The following PSD3 variants were observed in gnomAD, a reference collection of about 807,000 sequenced individuals.
The protein encoded by PSD3 is PH and SEC7 domain-containing protein 3.
PSD3 carries 49 observed loss-of-function variants against 105.5 expected under a neutral mutation model. The observed-to-expected ratio is 0.46, with a 90% CI of 0.37 to 0.59. PSD3 has a LOEUF of 0.59. Ranked by LOEUF, PSD3 falls within the 20% of genes least tolerant of loss-of-function variation. The pLI is 0.00. For synonymous variants in PSD3, 557 were observed against 457.8 expected (o/e 1.22, Z -2.77); for missense variants, 1,561 against 1,263.8 (o/e 1.24, Z -3.57).
At chr8:18,749,338 C>T (rs979811786) in intron 9 of PSD3, among the ~76,000 whole-genome samples, 2 of 152,176 alleles carry the variant, frequency 1.3e-5, no homozygotes, top group African/African-American at 4.8e-5. Flanking sequence ...TTTCAATAGA[C>T]GACAAGGTGC....
chr8:18,552,298 T>C (rs1405546796), intron 15 of PSD3, among the ~76,000 whole-genome samples: 3 of 152,240 alleles, frequency 2.0e-5, no homozygotes, highest in Non-Finnish European at 4.4e-5. Context: ...TTAAGGAGTA[T>C]GTTAACATCT....
At chr8:18,710,461 C>A (rs893222347) in intron 9 of PSD3, among the ~76,000 whole-genome samples, 8 of 152,162 alleles carry the variant, frequency 5.3e-5, no homozygotes, top group Admixed American at 3.9e-4. Context: ...CCTAGCAAGA[C>A]AGGCAAATAT....
intron 1 of PSD3, among the ~76,000 whole-genome samples, chr8:19,002,645 T>C (rs1826464920): frequency 6.6e-6 from 1 of 152,126 alleles, no homozygotes; most frequent in Non-Finnish European, 1.5e-5. Flanking sequence ...ATACTTTAAG[T>C]CATCTCTAGG....
intron 4 of PSD3, among the ~76,000 whole-genome samples, chr8:18,823,114 AC>A (rs767626800): frequency 2.1e-5 from 3 of 141,304 alleles, no homozygotes; most frequent in East Asian, 4.3e-4. Flanking sequence ...AAAAAAAAAA[AC>A]CTTATCACTT....
chr8:19,045,132 C>A (rs1828271996), intron 1 of PSD3, among the ~76,000 whole-genome samples: 1 of 151,980 alleles, frequency 6.6e-6, no homozygotes, highest in Admixed American at 6.6e-5. Context: ...TTGCAGTGAA[C>A]CAAAATCATG....
At chr8:18,824,945 T>A (rs1813053874) in intron 4 of PSD3, among the ~76,000 whole-genome samples, 2 of 152,142 alleles carry the variant, frequency 1.3e-5, no homozygotes, top group South Asian at 4.1e-4. Flanking sequence ...CAGTATTCTA[T>A]AAAACCCTAG....
rs150102311 is a variant in PSD3 at position 18,816,250 on chromosome 8, T to C, written c.1635-11352A>G. 3.6e-3 allele frequency among the ~76,000 whole-genome samples: 550 copies of C among 152,364 alleles called. 2 individuals are homozygous for C. Among genetic ancestry groups the C allele is most frequent in the African/African-American group, 0.012 (501 of 41,584 alleles). On this transcript the variant is annotated intron_variant, in intron 4 of 15. Coordinates refer to ENST00000327040, the MANE Select transcript of PSD3 (RefSeq NM_015310.4). Reference sequence around the variant, plus strand: ...ATACACTATTTTAAGCACTTTATACTAACTCACTTAATGCCCTTGACCTTA... The same window carrying C: ...ATACACTATTTTAAGCACTTTATACCAACTCACTTAATGCCCTTGACCTTA...
intron 9 of PSD3, among the ~76,000 whole-genome samples, chr8:18,717,078 C>G (rs1164901117): frequency 6.6e-6 from 1 of 152,112 alleles, no homozygotes; most frequent in African/African-American, 2.4e-5. Flanking sequence ...GAAACAAAAA[C>G]GAAATTAGCT....
intron 11 of PSD3, among the ~76,000 whole-genome samples, chr8:18,621,597 A>C (rs553317771): frequency 7.2e-5 from 11 of 152,316 alleles, no homozygotes; most frequent in South Asian, 6.2e-4. Flanking sequence ...CCAATATTCC[A>C]TTAAAACTAG....
At chr8:18,750,965 G>A (rs1805434480) in intron 9 of PSD3, among the ~76,000 whole-genome samples, 1 of 152,132 alleles carries the variant, frequency 6.6e-6, no homozygotes, top group South Asian at 2.1e-4. Flanking sequence ...AGACTCAGGA[G>A]ACCAGCTGGC....
In PSD3 at chr8:18,804,517, C is replaced by A; in HGVS notation, c.1910+5G>T. On this transcript the variant is annotated splice_donor_5th_base_variant and intron_variant, in intron 6 of 15. Coordinates refer to ENST00000327040, the MANE Select transcript of PSD3 (RefSeq NM_015310.4). ...ATGACGAGCAGCAAGGAGGCTTAGT[C>A]ATACCTGAGTGACTGATCCAGCGTC... is the stretch of plus-strand genomic sequence containing the variant. The A allele has an allele frequency of 6.3e-7, 1 of 1,598,730 alleles. No individual in the cohort carries two copies. Among genetic ancestry groups the A allele is most frequent in the Non-Finnish European group, 8.6e-7 (1 of 1,166,528 alleles).
chr8:18,890,602 G>A (rs550787749), intron 2 of PSD3, among the ~76,000 whole-genome samples: 17 of 152,234 alleles, frequency 1.1e-4, no homozygotes, highest in African/African-American at 2.6e-4. Context: ...CGGTAAGCTC[G>A]TTGGGAAACA....
At chr8:19,005,938 A>T (rs56703064) in intron 1 of PSD3, among the ~76,000 whole-genome samples, 1 of 151,922 alleles carries the variant, frequency 6.6e-6, no homozygotes, top group Non-Finnish European at 1.5e-5. Context: ...GTTTAAAAAA[A>T]GGATCCCATT....
At chr8:18,929,251 C>A (rs1351517385) in intron 2 of PSD3, among the ~76,000 whole-genome samples, 2 of 110,916 alleles carry the variant, frequency 1.8e-5, no homozygotes, top group African/African-American at 7.1e-5. Flanking sequence ...CACAACAGTG[C>A]TAAAAAAAAA....
intron 1 of PSD3, among the ~76,000 whole-genome samples, chr8:19,075,062 C>T (rs551275181): frequency 2.6e-5 from 4 of 152,084 alleles, no homozygotes; most frequent in African/African-American, 7.2e-5. Flanking sequence ...TTTCCTGCCT[C>T]GGCCTCCCAA....
At chr8:18,985,474 G>A (rs1179128637) in intron 1 of PSD3, among the ~76,000 whole-genome samples, 2 of 152,140 alleles carry the variant, frequency 1.3e-5, no homozygotes, top group African/African-American at 4.8e-5. Context: ...GAATTCCCTA[G>A]TTAAGAGATG....
At chr8:18,575,384 C>A in intron 12 of PSD3, 99 bp from the exon 13 acceptor site, 3 of 1,143,858 alleles carry the variant, frequency 2.6e-6, no homozygotes, top group Non-Finnish European at 3.5e-6. Context: ...TTAGGAAATC[C>A]AAGTAAGTGA....
chr8:18,846,562 G>T lies in PSD3; in HGVS notation c.1634+21112C>A, dbSNP rs1041956540. Among the ~76,000 whole-genome samples the T allele has an allele frequency of 2.0e-5, 3 of 152,162 alleles. 1 individual carries two copies. The highest frequency in any genetic ancestry group is 1.3e-4 in the Admixed American group (2 of 15,282). ...GGAGGTTGTATTCCTGGCAGAGAGGGTCACGGACTGCTGACAAATGATCAA... is the reference window on the plus strand; with the variant it reads ...GGAGGTTGTATTCCTGGCAGAGAGGTTCACGGACTGCTGACAAATGATCAA... On this transcript the variant is annotated intron_variant, in intron 4 of 15. Coordinates refer to ENST00000327040, the MANE Select transcript of PSD3 (RefSeq NM_015310.4).
intron 9 of PSD3, among the ~76,000 whole-genome samples, chr8:18,695,956 C>G (rs1801231894): frequency 6.6e-6 from 1 of 152,226 alleles, no homozygotes; most frequent in South Asian, 2.1e-4. Flanking sequence ...GGGGGGAATG[C>G]ACATTCCTGG....
Sources: gnomAD v4.1 joint callset for allele counts (sites outside exome capture counted in the v4.1 genomes callset) on GRCh38, gnomAD v4.1.1 for gene constraint, MANE v1.5 for transcripts, NCBI Gene and HGNC (gene_info 2026-07-23, HGNC 2026-07-21) for gene names.